Variants in FAM149A observed in about 807,000 individuals in gnomAD.
FAM149A encodes the protein family with sequence similarity 149 member A.
FAM149A carries 71 observed loss-of-function variants against 78.2 expected under a neutral mutation model. The ratio of observed to expected loss-of-function variants is 0.91; its 90% CI spans 0.75 to 1.11. The LOEUF (loss-of-function observed/expected upper bound fraction) is 1.11, where lower values mean the gene tolerates loss of function less well. FAM149A is among the 50% of genes least tolerant of loss of function. The pLI is 0.00. For synonymous variants in FAM149A, 446 were observed against 410.5 expected (o/e 1.09, Z -1.04); for missense variants, 1,036 against 971.0 (o/e 1.07, Z -0.89).
At chr4:186,107,641 GTCT>G (rs2099309341) in intron 1 of FAM149A, 1 of 152,342 alleles carries the variant, frequency 6.6e-6, no homozygotes, top group Non-Finnish European at 1.5e-5. Context: ...GCCCAGGCTG[GTCT>G]TGAACTCCTG....
At chr4:186,165,315 G>T (rs746391423) in intron 10 of FAM149A, 29 bp from the exon 11 acceptor site, 2 of 1,613,692 alleles carry the variant, frequency 1.2e-6, no homozygotes, top group East Asian at 4.5e-5. Context: ...ATGTACCTGG[G>T]TGCTCAGTGA....
At position 186,160,528 on chromosome 4, in the gene FAM149A, C is replaced by T. The variant is rs148779201; in HGVS notation, c.1576-2317C>T. 1.4e-3 allele frequency among the ~76,000 whole-genome samples: 209 copies of T among 149,548 alleles called. 3 individuals are homozygous for T. Among genetic ancestry groups the T allele is most frequent in the African/African-American group, 4.8e-3 (195 of 40,636 alleles). ...TACCAAATACACACATACACACACA[C>T]TACACACCACACGCACACCCCACAC... On this transcript the variant is annotated intron_variant, in intron 8 of 13. Coordinates refer to ENST00000389354, the MANE Select transcript of FAM149A (RefSeq NM_001367768.3).
At chr4:186,135,293 A>G (rs1418592507) in intron 1 of FAM149A, among the ~76,000 whole-genome samples, 1 of 152,170 alleles carries the variant, frequency 6.6e-6, no homozygotes, top group Middle Eastern at 3.2e-3. Flanking sequence ...TCCCAATTCT[A>G]GTGTTCTGAA....
chr4:186,171,306 A>G (rs1334956353), intron 13 of FAM149A: 1 of 151,972 alleles, frequency 6.6e-6, no homozygotes, highest in African/African-American at 2.4e-5. Flanking sequence ...CTTATCAGGA[A>G]CTCTGAGACA....
chr4:186,124,177 A>G (rs2099317257), intron 1 of FAM149A: 1 of 985,294 alleles, frequency 1.0e-6, no homozygotes, highest in South Asian at 4.7e-5. Flanking sequence ...AGGAAATGCA[A>G]AGGCACTATA....
At chr4:186,129,305 A>G (rs753029408) in intron 1 of FAM149A, among the ~76,000 whole-genome samples, 12 of 152,160 alleles carry the variant, frequency 7.9e-5, no homozygotes, top group Admixed American at 6.6e-4. Flanking sequence ...AATATGGCCA[A>G]TATTGGTCAA....
chr4:186,129,097 GTGTCTCTCTGTGTC>G (rs1300826795), intron 1 of FAM149A, among the ~76,000 whole-genome samples: 2 of 151,426 alleles, frequency 1.3e-5, no homozygotes, highest in Non-Finnish European at 2.9e-5. Flanking sequence ...GTATGGGTGT[GTGTCTCTCTGTGTC>G]TGTGTATGAG....
At chr4:186,120,750 C>T (rs1412976186) in intron 1 of FAM149A, among the ~76,000 whole-genome samples, 13 of 138,846 alleles carry the variant, frequency 9.4e-5, no homozygotes, top group East Asian at 2.2e-4. Context: ...GCCAAGATTG[C>T]GCCACTGCAC....
At chr4:186,139,324 T>C (rs1172133496) in intron 1 of FAM149A, among the ~76,000 whole-genome samples, 1 of 152,168 alleles carries the variant, frequency 6.6e-6, no homozygotes, top group Non-Finnish European at 1.5e-5. Flanking sequence ...GTATTTGGTG[T>C]GGTCTGAATG....
chr4:186,171,651 T>C (rs1735543480), intron 13 of FAM149A, among the ~76,000 whole-genome samples: 3 of 152,172 alleles, frequency 2.0e-5, no homozygotes, highest in Non-Finnish European at 4.4e-5. Context: ...AGGACCCGCC[T>C]CTGCATGGAA....
chr4:186,120,813 T>TAA (rs1485000580), intron 1 of FAM149A, among the ~76,000 whole-genome samples: 7 of 135,448 alleles, frequency 5.2e-5, no homozygotes, highest in African/African-American at 1.1e-4. Flanking sequence ...AAAAAAAAGT[T>TAA]AGTAATCTAA....
chr4:186,154,533 A>G lies in FAM149A; in HGVS notation c.1124A>G (p.Asp375Gly). The G allele has an allele frequency of 1.9e-6, 3 of 1,614,030 alleles. No individual in the cohort carries two copies. Among genetic ancestry groups the G allele is most frequent in the Non-Finnish European group, 2.5e-6 (3 of 1,179,872 alleles). ...TCAGCCTCTGCCCTGCCAGGCCCTGATGACACAGGGGTTGCTGACCTAACG... is the reference window on the plus strand; with the variant it reads ...TCAGCCTCTGCCCTGCCAGGCCCTGGTGACACAGGGGTTGCTGACCTAACG... Residue 375 changes from aspartate (D) to glycine (G), a missense_variant, in exon 6 of 14, where the codon GAT becomes GGT. Physicochemically the swap from Asp to Gly is moderately conservative, Grantham distance 94. Transcript: ENST00000389354.
chr4:186,105,173 G>C lies in FAM149A; in HGVS notation c.97G>C (p.Gly33Arg). The C allele has an allele frequency of 7.8e-7, 1 of 1,277,004 alleles. No individual in the cohort carries two copies. The highest frequency in any genetic ancestry group is 1.6e-5 in the African/African-American group (1 of 63,540). The allele number at this position is 1,277,004 out of a possible 1,614,324, so 79.1% of individuals were successfully genotyped here. ...AGGCCCCTCCTCCAGACCCTCGGGA[G>C]GTGCTGCCGCTGCAGGGTCGGGGGG... Residue 33 changes from glycine to arginine, a missense_variant, in exon 1 of 14, where the codon GGT becomes CGT. Physicochemically the swap from Gly to Arg is moderately radical, Grantham distance 125. Transcript: ENST00000389354.
rs189114159 is a variant in FAM149A, at chr4:186,123,992, G to A, written c.566+18350G>A. 4.5e-4 allele frequency: 445 copies of A among 985,234 alleles called. 3 individuals carry two copies. The African/African-American group carries it at 7.3e-3, about 16-fold the overall frequency. The allele number at this position is 985,234 out of a possible 1,614,324, so 61.0% of individuals were successfully genotyped here. ...AACTAGATAGCTAAAATTTTCTAAT[G>A]TGTGAAAGAAGGGGCTACACACTCA... On this transcript the variant is annotated intron_variant, in intron 1 of 13. Transcript: ENST00000389354.
intron 9 of FAM149A, 117 bp downstream of exon 9, chr4:186,163,065 G>T: frequency 1.5e-6 from 1 of 687,446 alleles, no homozygotes; most frequent in South Asian, 1.8e-5. Flanking sequence ...CCGTGCTTCA[G>T]ATGTGCCTGA....
chr4:186,110,220 C>A, intron 1 of FAM149A: 1 of 985,354 alleles, frequency 1.0e-6, no homozygotes, highest in Non-Finnish European at 1.2e-6. Flanking sequence ...TCTAATCTTA[C>A]AACAACCCAG....
chr4:186,127,431 A>G (rs2126329542), intron 1 of FAM149A: 1 of 985,432 alleles, frequency 1.0e-6, no homozygotes, highest in African/African-American at 1.7e-5. Context: ...CTTCTGTCAC[A>G]GGAATGCTCA....
chr4:186,158,594 T>C (rs1027365296), intron 8 of FAM149A: 9 of 207,894 alleles, frequency 4.3e-5, no homozygotes, highest in Non-Finnish European at 6.3e-5. Context: ...CTGCTGAGCA[T>C]TGCCGCCCAG....
chr4:186,149,453 T>A, intron 2 of FAM149A, 113 bp from the exon 3 acceptor site: 1 of 1,140,450 alleles, frequency 8.8e-7, no homozygotes, highest in Non-Finnish European at 1.1e-6. Context: ...ACTGTGAAAT[T>A]AATAAATATA....
Sources: allele counts gnomAD v4.1 joint callset (sites outside exome capture counted in the v4.1 genomes callset), GRCh38; gene constraint gnomAD v4.1.1; transcripts MANE v1.5; gene names NCBI Gene and HGNC (gene_info 2026-07-23, HGNC 2026-07-21).